CPED1: variants seen among roughly 807,000 people sequenced by gnomAD.
The protein encoded by CPED1 is cadherin-like and PC-esterase domain-containing protein 1.
CPED1 carries 114 observed loss-of-function variants against 128.2 expected under a neutral mutation model. The ratio of observed to expected loss-of-function variants is 0.89; its 90% CI spans 0.76 to 1.04. CPED1 has a LOEUF of 1.04. CPED1 is among the 50% of genes least tolerant of loss of function. CPED1 has a pLI of 0.00. For missense variants in CPED1, 1,211 were observed against 1,207.1 expected (o/e 1.00, Z -0.05); for synonymous variants, 462 against 426.7 (o/e 1.08, Z -1.02).
intron 16 of CPED1, among the ~76,000 whole-genome samples, chr7:121,159,308 C>G (rs1266680172): frequency 6.6e-6 from 1 of 152,104 alleles, no homozygotes; most frequent in East Asian, 1.9e-4. Flanking sequence ...TTGTAAAACT[C>G]AAGTTTATTC....
intron 16 of CPED1, among the ~76,000 whole-genome samples, chr7:121,177,161 C>T (rs1796801842): frequency 6.6e-6 from 1 of 152,022 alleles, no homozygotes; most frequent in Non-Finnish European, 1.5e-5. Context: ...ATTCTTTTCT[C>T]GCCATTTCTT....
intron 4 of CPED1, among the ~76,000 whole-genome samples, chr7:121,049,295 G>GCATAGC (rs772197884): frequency 6.6e-6 from 1 of 152,304 alleles, no homozygotes; most frequent in Non-Finnish European, 1.5e-5. Flanking sequence ...AGAAGGAAGG[G>GCATAGC]CATAGCTAGA....
intron 3 of CPED1, among the ~76,000 whole-genome samples, chr7:121,031,469 G>A (rs1792731375): frequency 6.6e-6 from 1 of 152,098 alleles, no homozygotes; most frequent in Non-Finnish European, 1.5e-5. Flanking sequence ...TGTATTTTTA[G>A]TGGAGATGGG....
chr7:121,194,036 A>C (rs1188804404), intron 16 of CPED1, among the ~76,000 whole-genome samples: 8 of 105,748 alleles, frequency 7.6e-5, no homozygotes, highest in African/African-American at 2.7e-4. Flanking sequence ...ATATATATAT[A>C]TATATATATA....
chr7:121,232,741 G>T (rs1375950716), intron 16 of CPED1, among the ~76,000 whole-genome samples: 1 of 152,068 alleles, frequency 6.6e-6, no homozygotes, highest in African/African-American at 2.4e-5. Flanking sequence ...GAAAGGGGAG[G>T]AATTGGGTCT....
At chr7:121,180,026 G>A (rs1046044549) in intron 16 of CPED1, among the ~76,000 whole-genome samples, 1 of 151,872 alleles carries the variant, frequency 6.6e-6, no homozygotes, top group African/African-American at 2.4e-5. Context: ...TCTTTTTATT[G>A]TATGACTTTC....
intron 3 of CPED1, among the ~76,000 whole-genome samples, chr7:121,037,765 T>A (rs1218423914): frequency 6.6e-6 from 1 of 152,218 alleles, no homozygotes; most frequent in Admixed American, 6.5e-5. Context: ...TACTCATCCA[T>A]GAGCATGGGA....
At chr7:121,135,580 A>G (rs1330984776) in intron 13 of CPED1, among the ~76,000 whole-genome samples, 1 of 152,072 alleles carries the variant, frequency 6.6e-6, no homozygotes, top group Non-Finnish European at 1.5e-5. Context: ...TCCTCTATAA[A>G]TGAATGATTT....
intron 5 of CPED1, among the ~76,000 whole-genome samples, chr7:121,074,758 G>C (rs1794080140): frequency 6.6e-6 from 1 of 151,802 alleles, no homozygotes; most frequent in South Asian, 2.1e-4. Flanking sequence ...GCTTTAAGTT[G>C]TCATATAATG....
At chr7:121,042,491 G>T (rs923536533) in intron 3 of CPED1, among the ~76,000 whole-genome samples, 1 of 152,152 alleles carries the variant, frequency 6.6e-6, no homozygotes, top group Non-Finnish European at 1.5e-5. Flanking sequence ...CCACAGGGTT[G>T]TTGGAAATAT....
rs866496668 is a variant in CPED1, at chr7:121,098,811, A to T, written c.749+980A>T. 7.8e-4 allele frequency among the ~76,000 whole-genome samples: 110 copies of T among 140,468 alleles called. 1 individual carries two copies. Among genetic ancestry groups the T allele is most frequent in the African/African-American group, 2.8e-3 (101 of 35,792 alleles). The allele number at this position is 140,468 out of a possible 152,430, so 92.2% of individuals were successfully genotyped here. A position where few individuals can be genotyped will look rare whatever the true frequency, so the allele number is the denominator to read the frequency against. On this transcript the variant is annotated intron_variant, in intron 6 of 22. Transcript: ENST00000310396. Reference sequence around the variant, plus strand: ...ATATAAAAATATATATAAATATATAAATAATATATATATAAATATATATAT... The same window carrying T: ...ATATAAAAATATATATAAATATATATATAATATATATATAAATATATATAT...
At chr7:121,017,293 C>T (rs1285429726) in intron 3 of CPED1, among the ~76,000 whole-genome samples, 1 of 152,128 alleles carries the variant, frequency 6.6e-6, no homozygotes, top group East Asian at 1.9e-4. Flanking sequence ...AATAGGAAAG[C>T]TCTGGAGTAT....
At chr7:121,152,038 A>C (rs77338655) in intron 16 of CPED1, among the ~76,000 whole-genome samples, 3,872 of 152,318 alleles carry the variant, frequency 0.025, 65 homozygotes, top group Non-Finnish European at 0.04. Flanking sequence ...TCTTTTGAAA[A>C]TGATGCTAAT....
At chr7:121,090,427 A>G (rs549654096) in intron 5 of CPED1, among the ~76,000 whole-genome samples, 1 of 152,330 alleles carries the variant, frequency 6.6e-6, no homozygotes, top group African/African-American at 2.4e-5. Flanking sequence ...CACTGATATG[A>G]TAACATCATA....
chr7:121,249,168 A>G (rs1045462863), intron 18 of CPED1, among the ~76,000 whole-genome samples: 1 of 152,192 alleles, frequency 6.6e-6, no homozygotes, highest in African/African-American at 2.4e-5. Flanking sequence ...TCCAAGAAAT[A>G]TGAGATTATA....
chr7:121,160,915 G>T (rs1361637537), intron 16 of CPED1, among the ~76,000 whole-genome samples: 1 of 152,016 alleles, frequency 6.6e-6, no homozygotes. Context: ...CTTTTTTGAG[G>T]CTACCCCCCA....
At chr7:121,164,958 C>T (rs146028428) in intron 16 of CPED1, among the ~76,000 whole-genome samples, 3 of 152,318 alleles carry the variant, frequency 2.0e-5, no homozygotes, top group African/African-American at 7.2e-5. Context: ...ATTTTCTCAA[C>T]TTTTCTGACT....
At chr7:121,265,489 C>T (rs547967902) in intron 18 of CPED1, among the ~76,000 whole-genome samples, 1 of 152,156 alleles carries the variant, frequency 6.6e-6, no homozygotes, top group East Asian at 1.9e-4. Context: ...AAACAAGGAA[C>T]CAGTAAAGTT....
intron 4 of CPED1, among the ~76,000 whole-genome samples, chr7:121,047,725 T>TTGTG: frequency 7.2e-6 from 1 of 139,298 alleles, no homozygotes; most frequent in Non-Finnish European, 1.5e-5. Flanking sequence ...CTTTTTTTTT[T>TTGTG]TTTGAGACGT....
Sources: gnomAD v4.1 joint callset for allele counts (sites outside exome capture counted in the v4.1 genomes callset) on GRCh38, gnomAD v4.1.1 for gene constraint, MANE v1.5 for transcripts, NCBI Gene and HGNC (gene_info 2026-07-23, HGNC 2026-07-21) for gene names.